The following KCNIP4 variants were observed in gnomAD, a reference collection of about 807,000 sequenced individuals.
KCNIP4 encodes potassium voltage-gated channel interacting protein 4.
A neutral mutation model predicts 34.0 loss-of-function variants in KCNIP4; 12 were observed. The observed-to-expected ratio is 0.35, with a 90% CI of 0.23 to 0.57. The LOEUF (loss-of-function observed/expected upper bound fraction) is 0.57, where lower values mean the gene tolerates loss of function less well. Among genes scored for constraint, KCNIP4 ranks in the 20% least tolerant of loss-of-function variants. KCNIP4 has a pLI of 0.83. For synonymous variants in KCNIP4, 124 were observed against 102.2 expected (o/e 1.21, Z -1.29); for missense variants, 238 against 311.7 (o/e 0.76, Z 1.78).
chr4:20,755,444 TG>T (rs1181294576), intron 4 of KCNIP4, among the ~76,000 whole-genome samples: 1 of 152,072 alleles, frequency 6.6e-6, no homozygotes, highest in Non-Finnish European at 1.5e-5. Flanking sequence ...CCATGTGAGG[TG>T]GGTGTCATTC....
chr4:21,008,673 G>A (rs543503406), intron 1 of KCNIP4, among the ~76,000 whole-genome samples: 4 of 151,598 alleles, frequency 2.6e-5, no homozygotes, highest in African/African-American at 7.3e-5. Context: ...GCAGGCGCCC[G>A]CCACCACGCC....
intron 1 of KCNIP4, among the ~76,000 whole-genome samples, chr4:21,005,861 G>A (rs566614358): frequency 6.6e-5 from 10 of 152,084 alleles, no homozygotes; most frequent in South Asian, 4.2e-4. Context: ...AGAGTATTAC[G>A]CAATTATTTT....
chr4:21,893,835 G>A (rs1050356968), intron 1 of KCNIP4, among the ~76,000 whole-genome samples: 2 of 152,088 alleles, frequency 1.3e-5, no homozygotes, highest in African/African-American at 4.8e-5. Context: ...CCAACATATA[G>A]TTTTGTAGTG....
At chr4:20,815,221 A>T (rs1270351012) in intron 3 of KCNIP4, among the ~76,000 whole-genome samples, 1 of 152,184 alleles carries the variant, frequency 6.6e-6, no homozygotes, top group African/African-American at 2.4e-5. Flanking sequence ...AAAAATAAGG[A>T]AATACTATTT....
chr4:20,768,867 C>G (rs1017720282), intron 3 of KCNIP4, among the ~76,000 whole-genome samples: 11 of 152,056 alleles, frequency 7.2e-5, no homozygotes, highest in African/African-American at 2.7e-4. Context: ...AAAAGGCTGA[C>G]CTAGATACTA....
intron 1 of KCNIP4, among the ~76,000 whole-genome samples, chr4:21,289,107 A>G (rs1763287536): frequency 6.6e-6 from 1 of 152,222 alleles, no homozygotes; most frequent in Admixed American, 6.5e-5. Context: ...TGAAAGTACA[A>G]GTCATATCTT....
intron 1 of KCNIP4, among the ~76,000 whole-genome samples, chr4:21,625,744 A>T (rs1236201640): frequency 3.3e-5 from 5 of 152,188 alleles, no homozygotes; most frequent in African/African-American, 1.2e-4. Context: ...AAGCTTTCCA[A>T]TGACTAAATG....
intron 1 of KCNIP4, among the ~76,000 whole-genome samples, chr4:21,798,685 T>G (rs893232055): frequency 6.6e-6 from 1 of 151,940 alleles, no homozygotes; most frequent in Non-Finnish European, 1.5e-5. Context: ...TGATATAGTT[T>G]GAAAGTGAAG....
intron 3 of KCNIP4, among the ~76,000 whole-genome samples, chr4:20,802,530 C>T (rs141392299): frequency 7.2e-5 from 11 of 152,094 alleles, no homozygotes; most frequent in African/African-American, 2.7e-4. Flanking sequence ...CAAAACTGTC[C>T]ATCTAATAGC....
At chr4:21,501,281 G>A (rs1733321164) in intron 1 of KCNIP4, among the ~76,000 whole-genome samples, 1 of 138,332 alleles carries the variant, frequency 7.2e-6, no homozygotes, top group Non-Finnish European at 1.5e-5. Flanking sequence ...CACATGCCAT[G>A]TCCTAACTTG....
intron 1 of KCNIP4, among the ~76,000 whole-genome samples, chr4:21,794,249 G>A (rs1326377913): frequency 1.3e-5 from 2 of 151,310 alleles, no homozygotes; most frequent in African/African-American, 4.8e-5. Flanking sequence ...TTGTGCACAT[G>A]TACCCCAAAA....
chr4:21,825,189 T>C (rs1197729180), intron 1 of KCNIP4, among the ~76,000 whole-genome samples: 1 of 152,068 alleles, frequency 6.6e-6, no homozygotes, highest in East Asian at 1.9e-4. Flanking sequence ...AAACATACTT[T>C]TTATCAAGTG....
intron 1 of KCNIP4, chr4:21,850,586 G>A (rs1724316220): frequency 2.0e-5 from 3 of 151,916 alleles, no homozygotes. Context: ...CTCCATAACT[G>A]TAAGAAATAA....
chr4:20,785,469 A>T (rs1711854312), intron 3 of KCNIP4, among the ~76,000 whole-genome samples: 1 of 151,904 alleles, frequency 6.6e-6, no homozygotes, highest in Admixed American at 6.6e-5. Context: ...ACTGAGGAGG[A>T]GCAGTGTCCA....
chr4:21,252,704 G>C (rs1760801463), intron 1 of KCNIP4, among the ~76,000 whole-genome samples: 1 of 151,482 alleles, frequency 6.6e-6, no homozygotes, highest in Non-Finnish European at 1.5e-5. Flanking sequence ...CTCAGTCCAG[G>C]AGGTTGATGG....
At chr4:21,660,225 C>T (rs1170053679) in intron 1 of KCNIP4, among the ~76,000 whole-genome samples, 2 of 151,992 alleles carry the variant, frequency 1.3e-5, no homozygotes, top group African/African-American at 4.8e-5. Context: ...CTCTTGCTTC[C>T]CTTACTTAGA....
chr4:21,400,488 C>CTCTCCTCTCCTCTCCTATCCTCTTT (rs945392438), intron 1 of KCNIP4, among the ~76,000 whole-genome samples: 5 of 120,074 alleles, frequency 4.2e-5, no homozygotes, highest in Admixed American at 2.6e-4. Flanking sequence ...CTCTCCTCTC[C>CTCTCCTCTCCTCTCCTATCCTCTTT]TCTCCCCTCC....
rs796475664 is a variant in KCNIP4, at chr4:21,632,872, C to T, written c.61+315699G>A. 7.2e-4 allele frequency among the ~76,000 whole-genome samples: 109 copies of T among 152,218 alleles called. 1 individual carries two copies. Among genetic ancestry groups the T allele is most frequent in the African/African-American group, 2.6e-3 (108 of 41,540 alleles). ...TCCAACTCAAATGCTTCCATGAAAG[C>T]ATTAAAAACTATTCCATCCCTCTGG... On this transcript the variant is annotated intron_variant, in intron 1 of 8. Transcript: ENST00000382152.
chr4:21,024,430 G>T (rs1282123240), intron 1 of KCNIP4, among the ~76,000 whole-genome samples: 1 of 152,080 alleles, frequency 6.6e-6, no homozygotes, highest in Non-Finnish European at 1.5e-5. Context: ...CATGTTTTAT[G>T]AAGTCATTTT....
Sources: gnomAD v4.1 joint callset for allele counts (sites outside exome capture counted in the v4.1 genomes callset) on GRCh38, gnomAD v4.1.1 for gene constraint, MANE v1.5 for transcripts, NCBI Gene and HGNC (gene_info 2026-07-23, HGNC 2026-07-21) for gene names.